Variants in SCIN observed in about 807,000 individuals in gnomAD.
SCIN encodes scinderin, also known as adseverin.
In SCIN, 91 loss-of-function variants were observed where a neutral mutation model predicts 91.8. The ratio of observed to expected loss-of-function variants is 0.99; its 90% CI spans 0.84 to 1.18. The LOEUF is 1.18. SCIN is among the 50% of genes most tolerant of loss of function. The pLI, the probability that SCIN is intolerant of heterozygous loss-of-function variation, is 0.00. For synonymous variants in SCIN, 367 were observed against 312.6 expected, an observed-to-expected ratio of 1.17 and a Z score of -1.84; for missense variants, 1,087 against 863.9, an observed-to-expected ratio of 1.26 and a Z score of -3.24.
intron 4 of SCIN, among the ~76,000 whole-genome samples, chr7:12,605,284 T>C (rs965977295): frequency 6.6e-6 from 1 of 152,140 alleles, no homozygotes; most frequent in East Asian, 1.9e-4. Flanking sequence ...CCCCTGACCT[T>C]GTGATCCGCC....
chr7:12,623,300 A>G (rs1783448040), intron 5 of SCIN, among the ~76,000 whole-genome samples: 1 of 152,118 alleles, frequency 6.6e-6, no homozygotes, highest in South Asian at 2.1e-4. Context: ...ATAATGAAGG[A>G]GTTCTTTGTT....
chr7:12,575,034 G>T (rs1208216952), intron 1 of SCIN, among the ~76,000 whole-genome samples: 6 of 151,984 alleles, frequency 3.9e-5, no homozygotes, highest in Admixed American at 1.3e-4. Flanking sequence ...GTAATTTTCA[G>T]CATACAGATC....
At chr7:12,648,586 C>T (rs774553717) in intron 13 of SCIN, among the ~76,000 whole-genome samples, 5 of 152,122 alleles carry the variant, frequency 3.3e-5, no homozygotes, top group East Asian at 3.9e-4. Context: ...TGAGCCACCA[C>T]GCCCAGCCCT....
intron 9 of SCIN, among the ~76,000 whole-genome samples, chr7:12,634,496 A>G (rs1850100593): frequency 6.6e-6 from 1 of 152,150 alleles, no homozygotes; most frequent in African/African-American, 2.4e-5. Context: ...CAAAAAAAAA[A>G]AAAAAGTAAT....
chr7:12,574,585 C>T (rs993155362), intron 1 of SCIN, among the ~76,000 whole-genome samples: 1 of 152,046 alleles, frequency 6.6e-6, no homozygotes, highest in African/African-American at 2.4e-5. Context: ...TATATCAATG[C>T]CAATATCCTG....
At chr7:12,620,669 A>C (rs946984976) in intron 4 of SCIN, among the ~76,000 whole-genome samples, 1 of 152,124 alleles carries the variant, frequency 6.6e-6, no homozygotes, top group African/African-American at 2.4e-5. Flanking sequence ...AGGAGATCCA[A>C]ATTGGAGGAG....
At chr7:12,634,860 G>A (rs1783714827) in intron 9 of SCIN, among the ~76,000 whole-genome samples, 1 of 152,136 alleles carries the variant, frequency 6.6e-6, no homozygotes, top group Admixed American at 6.5e-5. Context: ...CTGAGTGTTG[G>A]AAGTTTAGCC....
In SCIN at chr7:12,578,125, C is replaced by A. The variant is rs779068857; in HGVS notation, c.261C>A (p.Asp87Glu). Residue 87 changes from aspartate (D) to glutamate (E), a missense_variant, in exon 2 of 16, where the codon GAC (aspartate) becomes GAA (glutamate). Asp to Glu is a conservative substitution (Grantham distance 45). Coordinates refer to ENST00000297029, the MANE Select transcript of SCIN (RefSeq NM_001112706.3). ...AAAIFTVQMD[D>E]YLGGKPVQNR... ...CCATCTTCACTGTTCAGATGGATGA[C>A]TATTTGGGTGGCAAGCCAGTGCAGA... is the stretch of plus-strand genomic sequence containing the variant. 29 of 1,550,860 alleles carry A rather than the reference C, an allele frequency of 1.9e-5. No individual in the cohort carries two copies. In the South Asian group the frequency reaches 3.5e-4, roughly 18 times the overall value.
intron 3 of SCIN, chr7:12,589,390 A>AT (rs1305968644): frequency 6.6e-6 from 1 of 151,812 alleles, no homozygotes; most frequent in Admixed American, 6.6e-5. Flanking sequence ...CGCCCGGCTA[A>AT]TTTTTTCTAT....
At chr7:12,649,076 G>T (rs1784026477) in intron 13 of SCIN, among the ~76,000 whole-genome samples, 1 of 152,022 alleles carries the variant, frequency 6.6e-6, no homozygotes, top group Admixed American at 6.6e-5. Context: ...ATATGAGGGG[G>T]GTCTTATCTC....
At chr7:12,637,569 A>G (rs1204063631) in intron 10 of SCIN, among the ~76,000 whole-genome samples, 1 of 151,548 alleles carries the variant, frequency 6.6e-6, no homozygotes, top group African/African-American at 2.4e-5. Context: ...TGAGACAAGT[A>G]AGGAGGAGAG....
At chr7:12,606,901 AT>A (rs1783090811) in intron 4 of SCIN, among the ~76,000 whole-genome samples, 1 of 152,242 alleles carries the variant, frequency 6.6e-6, no homozygotes, top group Non-Finnish European at 1.5e-5. Context: ...TTCAAAACAA[AT>A]TCTTGATCTT....
rs912049340 is a variant in SCIN at position 12,658,929 on chromosome 7, T to G, written c.*6214T>G. 7.3e-5 allele frequency: 11 copies of G among 150,364 alleles called. No homozygotes were observed. The highest frequency in any genetic ancestry group is 2.8e-4 in the African/African-American group (11 of 39,590). The allele number at this position is 150,364 out of a possible 1,614,324, so 9.3% of individuals were successfully genotyped here. A position where few individuals can be genotyped will look rare whatever the true frequency, so the allele number is the denominator to read the frequency against. ...TGAAAGTAGGCAATGACACCACTAT[T>G]TATGTTTTTTGTTGTTGTTGTTTGT... On this transcript the variant is annotated 3_prime_UTR_variant, in exon 16 of 16. Transcript: ENST00000297029.
At position 12,651,662 on chromosome 7, in the gene SCIN, A is replaced by G. The variant is rs1784081331; in HGVS notation, c.1960-179A>G. Among the ~76,000 whole-genome samples the G allele has an allele frequency of 6.6e-6, 1 of 152,158 alleles. No homozygotes were observed. Among genetic ancestry groups the G allele is most frequent in the Non-Finnish European group, 1.5e-5 (1 of 68,034 alleles). On this transcript the variant is annotated intron_variant, in intron 14 of 15. Coordinates refer to ENST00000297029, the MANE Select transcript of SCIN (RefSeq NM_001112706.3). This position sits in a 1 kb window ranked among gnomAD's most constrained non-coding sequence, Gnocchi z 5.9. ...TGGATGTAGATTTAGGTGTCTCCTGATGAGTGTGAACACTGGGAAAGTGAT... is the reference window on the plus strand; with the variant it reads ...TGGATGTAGATTTAGGTGTCTCCTGGTGAGTGTGAACACTGGGAAAGTGAT...
intron 1 of SCIN, among the ~76,000 whole-genome samples, chr7:12,574,478 T>C (rs1782329750): frequency 6.6e-6 from 1 of 152,128 alleles, no homozygotes; most frequent in African/African-American, 2.4e-5. Flanking sequence ...TGATAGCAGA[T>C]GTATGAATTT....
At chr7:12,591,211 A>G (rs1185833224) in intron 3 of SCIN, among the ~76,000 whole-genome samples, 1 of 152,156 alleles carries the variant, frequency 6.6e-6, no homozygotes, top group Non-Finnish European at 1.5e-5. Flanking sequence ...TGAGGGAAGC[A>G]CTTCTGGTAA....
intron 8 of SCIN, among the ~76,000 whole-genome samples, chr7:12,627,050 A>G (rs1022293215): frequency 6.6e-6 from 1 of 151,996 alleles, no homozygotes; most frequent in African/African-American, 2.4e-5. Context: ...AGATCATAAC[A>G]CTGCACTCCA....
chr7:12,582,048 TC>T (rs1223469171), intron 3 of SCIN, among the ~76,000 whole-genome samples: 1 of 152,144 alleles, frequency 6.6e-6, no homozygotes, highest in Non-Finnish European at 1.5e-5. Context: ...ATCTCAACAT[TC>T]TAATTATCAT....
At chr7:12,646,785 G>A (rs1029230090) in intron 13 of SCIN, among the ~76,000 whole-genome samples, 16 of 152,182 alleles carry the variant, frequency 1.1e-4, no homozygotes, top group South Asian at 2.1e-4. Context: ...AATTTCCCAC[G>A]TATTTTGTCA....
Sources: gnomAD v4.1 joint callset for allele counts (sites outside exome capture counted in the v4.1 genomes callset) on GRCh38, gnomAD v4.1.1 for gene constraint, Gnocchi (gnomAD v3.1) non-coding constraint, MANE v1.5 for transcripts, NCBI Gene and HGNC (gene_info 2026-07-23, HGNC 2026-07-21) for gene names.